TPTE: variants seen among roughly 807,000 people sequenced by gnomAD.
TPTE encodes the protein putative tyrosine-protein phosphatase TPTE.
Under a neutral mutation model 84.1 loss-of-function variants are expected in TPTE, and 59 were observed. The ratio of observed to expected loss-of-function variants is 0.70; its 90% CI spans 0.57 to 0.87. The LOEUF is 0.87. Among genes scored for constraint, TPTE ranks in the 40% least tolerant of loss-of-function variants. TPTE has a pLI of 0.00. For missense variants in TPTE, 382 were observed against 659.6 expected, an observed-to-expected ratio of 0.58 and a Z score of 4.61; for synonymous variants, 130 against 223.5, an observed-to-expected ratio of 0.58 and a Z score of 3.73.
chr21:10,596,026 C>T lies in TPTE; in HGVS notation c.1215C>T (p.Asn405=), dbSNP rs745662403. 286 of 1,610,950 alleles carry T rather than the reference C, an allele frequency of 1.8e-4. No individual in the cohort carries two copies. The highest frequency in any genetic ancestry group is 1.4e-3 in the East Asian group (62 of 43,342). ...TTGCACAAGTGAAACATCTCTACAA[C>T]TGGAATCTCCCTCCAAGACGGATAC... ...AYFAQVKHLY[N]WNLPPRRILF... The change falls in exon 20 of 24, where the codon AAC becomes AAT. Residue 405 remains asparagine (N), a synonymous_variant. Transcript: ENST00000618007.
At chr21:10,568,101 ATTTGTATCATTT>A (rs1307183931) in intron 11 of TPTE, among the ~76,000 whole-genome samples, 5 of 152,298 alleles carry the variant, frequency 3.3e-5, no homozygotes, top group African/African-American at 1.2e-4. Context: ...TCAAATTCCC[ATTTGTATCATTT>A]TTTGGCCTTT....
At chr21:10,537,582 G>C (rs2074288507) in intron 3 of TPTE, among the ~76,000 whole-genome samples, 1 of 152,266 alleles carries the variant, frequency 6.6e-6, no homozygotes, top group Non-Finnish European at 1.5e-5. Context: ...GGAGGCTGAG[G>C]CAGGAGAATG....
At chr21:10,564,509 C>T (rs2074875397) in intron 10 of TPTE, among the ~76,000 whole-genome samples, 1 of 152,306 alleles carries the variant, frequency 6.6e-6, no homozygotes, top group Non-Finnish European at 1.5e-5. Context: ...GATTCAGTCT[C>T]AAAAAGAATA....
intron 11 of TPTE, 99 bp from the exon 12 acceptor site, chr21:10,569,338 G>T: frequency 6.8e-7 from 1 of 1,465,662 alleles, no homozygotes; most frequent in Middle Eastern, 1.8e-4. Context: ...GGAGAGGAGG[G>T]AAAATTGCCT....
intron 11 of TPTE, among the ~76,000 whole-genome samples, chr21:10,568,556 A>C (rs2074973147): frequency 6.6e-6 from 1 of 152,308 alleles, no homozygotes; most frequent in Admixed American, 6.5e-5. Flanking sequence ...CATGGGTCAA[A>C]TAGCTGATTT....
At chr21:10,557,742 T>A (rs1399354977) in intron 8 of TPTE, among the ~76,000 whole-genome samples, 3 of 152,312 alleles carry the variant, frequency 2.0e-5, no homozygotes, top group Non-Finnish European at 4.4e-5. Context: ...CCAATTTTTT[T>A]TTTTTTAACT....
chr21:10,522,088 C>G (rs1400102203), intron 1 of TPTE, among the ~76,000 whole-genome samples: 11 of 152,042 alleles, frequency 7.2e-5, no homozygotes, highest in Non-Finnish European at 1.6e-4. Flanking sequence ...GGGGCGCCCG[C>G]CCGGTCCTGC....
At chr21:10,597,496 C>CCT in intron 20 of TPTE, among the ~76,000 whole-genome samples, 1 of 152,118 alleles carries the variant, frequency 6.6e-6, no homozygotes, top group African/African-American at 2.4e-5. Flanking sequence ...CTCACTGCAG[C>CCT]CTCTGCCTGC....
intron 8 of TPTE, among the ~76,000 whole-genome samples, chr21:10,558,738 C>G (rs533218039): frequency 6.0e-5 from 9 of 149,568 alleles, no homozygotes; most frequent in Admixed American, 6.0e-4. Context: ...AAGTCTTCTT[C>G]TACTGAAGCC....
intron 3 of TPTE, among the ~76,000 whole-genome samples, chr21:10,530,692 T>C (rs1406715337): frequency 6.6e-6 from 1 of 152,308 alleles, no homozygotes; most frequent in Non-Finnish European, 1.5e-5. Flanking sequence ...CAGGACTTGA[T>C]GGGCCATGGG....
At chr21:10,532,512 C>T (rs2074196335) in intron 3 of TPTE, among the ~76,000 whole-genome samples, 1 of 152,298 alleles carries the variant, frequency 6.6e-6, no homozygotes, top group African/African-American at 2.4e-5. Context: ...ATGCTTACCT[C>T]CTTATGTTTT....
chr21:10,535,110 A>G (rs898809755), intron 3 of TPTE, among the ~76,000 whole-genome samples: 1 of 152,306 alleles, frequency 6.6e-6, no homozygotes, highest in African/African-American at 2.4e-5. Flanking sequence ...AATCTTTGGC[A>G]TTCCTTGGCA....
chr21:10,533,153 A>G (rs576958292), intron 3 of TPTE, among the ~76,000 whole-genome samples: 1 of 152,308 alleles, frequency 6.6e-6, no homozygotes, highest in South Asian at 2.1e-4. Flanking sequence ...ATTCTTTTCT[A>G]CTATTTTCTG....
chr21:10,562,356 A>T (rs1285315146), intron 10 of TPTE, among the ~76,000 whole-genome samples: 1 of 152,304 alleles, frequency 6.6e-6, no homozygotes, highest in Non-Finnish European at 1.5e-5. Context: ...GACACCAAAG[A>T]ACATCTGCTA....
chr21:10,569,814 G>A, intron 13 of TPTE, 68 bp downstream of exon 13: 2 of 1,611,248 alleles, frequency 1.2e-6, no homozygotes, highest in Non-Finnish European at 1.7e-6. Context: ...ATTTTTTTTT[G>A]CCTCATCTAA....
intron 11 of TPTE, among the ~76,000 whole-genome samples, chr21:10,568,107 AT>A: frequency 6.6e-6 from 1 of 152,410 alleles, no homozygotes; most frequent in African/African-American, 2.4e-5. Flanking sequence ...TCCCATTTGT[AT>A]CATTTTTTGG....
At chr21:10,598,680 C>G (rs1360022175) in intron 21 of TPTE, among the ~76,000 whole-genome samples, 1 of 152,300 alleles carries the variant, frequency 6.6e-6, no homozygotes, top group Non-Finnish European at 1.5e-5. Flanking sequence ...ACCTCTTTAT[C>G]CAAAGCAAAA....
chr21:10,581,005 A>G (rs951873927), intron 17 of TPTE, among the ~76,000 whole-genome samples: 2 of 152,310 alleles, frequency 1.3e-5, no homozygotes, highest in Non-Finnish European at 2.9e-5. Flanking sequence ...TGGGCTCTAA[A>G]TCAATTTTTA....
intron 3 of TPTE, among the ~76,000 whole-genome samples, chr21:10,538,064 A>C (rs111632316): frequency 1.3e-5 from 2 of 152,306 alleles, no homozygotes; most frequent in Admixed American, 6.5e-5. Context: ...GTGAGACCTT[A>C]CTATAATGGC....
Sources: gnomAD v4.1 joint callset for allele counts (sites outside exome capture counted in the v4.1 genomes callset) on GRCh38, gnomAD v4.1.1 for gene constraint, MANE v1.5 for transcripts, NCBI Gene and HGNC (gene_info 2026-07-23, HGNC 2026-07-21) for gene names.